Variants in UBR1 observed in about 807,000 individuals in gnomAD.
UBR1 encodes ubiquitin protein ligase E3 component n-recognin 1.
A neutral mutation model predicts 242.1 loss-of-function variants in UBR1; 102 were observed. That is an observed-to-expected ratio of 0.42 (90% confidence interval 0.36 to 0.50). The LOEUF (loss-of-function observed/expected upper bound fraction) is 0.50, where lower values mean the gene tolerates loss of function less well. Ranked by LOEUF, UBR1 falls within the 20% of genes least tolerant of loss-of-function variation. UBR1 has a pLI of 0.01. For synonymous variants in UBR1, 675 were observed against 684.8 expected (o/e 0.99, Z 0.22); for missense variants, 1,772 against 2,101.8 (o/e 0.84, Z 3.07).
chr15:43,056,278 G>C (rs1378830416), intron 11 of UBR1, 66 bp downstream of exon 11: 5 of 1,201,092 alleles, frequency 4.2e-6, no homozygotes, highest in Middle Eastern at 3.8e-4. Flanking sequence ...TCAACATTAA[G>C]TGGAATTCTT....
At chr15:43,102,698 C>G (rs567246094) in intron 1 of UBR1, among the ~76,000 whole-genome samples, 1 of 152,280 alleles carries the variant, frequency 6.6e-6, no homozygotes, top group South Asian at 2.1e-4. Flanking sequence ...AAATAATACC[C>G]CATGCCATCA....
At chr15:42,977,313 G>A (rs2032305970) in intron 38 of UBR1, among the ~76,000 whole-genome samples, 1 of 152,160 alleles carries the variant, frequency 6.6e-6, no homozygotes, top group South Asian at 2.1e-4. Context: ...AGATAATGAG[G>A]GGGATGAGGA....
At chr15:43,021,134 AG>A in intron 27 of UBR1, 140 bp downstream of exon 27, 2 of 635,572 alleles carry the variant, frequency 3.1e-6, no homozygotes, top group South Asian at 3.7e-5. Flanking sequence ...ATAGGAAAAT[AG>A]AATTATTAAC....
intron 1 of UBR1, among the ~76,000 whole-genome samples, chr15:43,093,809 A>C (rs2034130565): frequency 2.0e-5 from 3 of 151,738 alleles, no homozygotes; most frequent in South Asian, 2.1e-4. Flanking sequence ...AAAAAAAAAA[A>C]AACCAAAAAG....
intron 29 of UBR1, among the ~76,000 whole-genome samples, chr15:43,010,926 G>A (rs1436276873): frequency 1.3e-5 from 2 of 151,968 alleles, no homozygotes; most frequent in Non-Finnish European, 2.9e-5. Flanking sequence ...GGAGGCGGAG[G>A]TTGCAGTGAG....
At chr15:43,075,397 G>C (rs2033874860) in intron 3 of UBR1, among the ~76,000 whole-genome samples, 2 of 152,050 alleles carry the variant, frequency 1.3e-5, no homozygotes, top group Admixed American at 1.3e-4. Context: ...GAGAAGAATA[G>C]ATTGCAAAGT....
chr15:43,009,273 G>A (rs1042502744), intron 29 of UBR1, among the ~76,000 whole-genome samples: 1 of 152,246 alleles, frequency 6.6e-6, no homozygotes, highest in South Asian at 2.1e-4. Context: ...CCAGACAAGA[G>A]TCCCTGCAGC....
At chr15:42,975,449 T>C (rs2032274337) in intron 39 of UBR1, among the ~76,000 whole-genome samples, 1 of 151,994 alleles carries the variant, frequency 6.6e-6, no homozygotes, top group African/African-American at 2.4e-5. Flanking sequence ...TTCTGTTTTT[T>C]TTGATATCCC....
chr15:43,073,858 C>T (rs889075863), intron 4 of UBR1, among the ~76,000 whole-genome samples: 36 of 152,110 alleles, frequency 2.4e-4, no homozygotes, highest in African/African-American at 8.7e-4. Context: ...ACAAGAAATA[C>T]CTTATTGCTG....
chr15:42,945,248 G>T lies in UBR1; in HGVS notation c.*81C>A. ...CAAAAGACCCTCCAATACTTTCCCA[G>T]CCCTCAGAAAGTTTTCCATAATTTT... On this transcript the variant is annotated 3_prime_UTR_variant, in exon 47 of 47. Coordinates refer to ENST00000290650, the MANE Select transcript of UBR1 (RefSeq NM_174916.3). The T allele has an allele frequency of 6.3e-7, 1 of 1,599,042 alleles. No individual in the cohort carries two copies. The highest frequency in any genetic ancestry group is 1.1e-5 in the South Asian group (1 of 89,704).
chr15:42,976,993 C>CAAA (rs2032301745), intron 38 of UBR1, 126 bp from the exon 39 acceptor site: 1 of 1,073,198 alleles, frequency 9.3e-7, no homozygotes, highest in African/African-American at 1.6e-5. Context: ...TAATAAAAAC[C>CAAA]ATATTTTTCT....
chr15:43,015,741 A>G lies in UBR1; in HGVS notation c.3156T>C (p.Tyr1052=), dbSNP rs200843098. 169 of 1,614,138 alleles carry G rather than the reference A, an allele frequency of 1.0e-4. No homozygotes were observed. Among genetic ancestry groups the G allele is most frequent in the Non-Finnish European group, 1.4e-4 (162 of 1,180,036 alleles). The change falls in exon 29 of 47, where the codon TAT becomes TAC. Residue 1052 remains tyrosine, a synonymous_variant. Transcript: ENST00000290650. ...TCCCAGGCATTTCTGATGTATTGTCATACATGAGTTTATGAGTTTCAATGA... is the reference window on the plus strand; with the variant it reads ...TCCCAGGCATTTCTGATGTATTGTCGTACATGAGTTTATGAGTTTCAATGA... ...KNFIETHKLM[Y]DNTSEMPGKE...
At chr15:43,099,540 A>T (rs555219155) in intron 1 of UBR1, among the ~76,000 whole-genome samples, 24 of 152,306 alleles carry the variant, frequency 1.6e-4, no homozygotes, top group Admixed American at 3.9e-4. Flanking sequence ...AATTTATCCA[A>T]GAAACGCCTT....
At chr15:43,018,189 G>A (rs1214653432) in intron 27 of UBR1, among the ~76,000 whole-genome samples, 1 of 151,928 alleles carries the variant, frequency 6.6e-6, no homozygotes, top group African/African-American at 2.4e-5. Flanking sequence ...TTTTAGTAGA[G>A]ACGGGGTTTC....
At chr15:43,024,600 C>T (rs1282651042) in intron 25 of UBR1, among the ~76,000 whole-genome samples, 1 of 152,038 alleles carries the variant, frequency 6.6e-6, no homozygotes. Flanking sequence ...ATAAGTACAC[C>T]TGTTTTTGTT....
At chr15:42,980,976 T>A (rs1240897409) in intron 37 of UBR1, among the ~76,000 whole-genome samples, 1 of 152,166 alleles carries the variant, frequency 6.6e-6, no homozygotes, top group Non-Finnish European at 1.5e-5. Context: ...GCTCCTATTC[T>A]GGACTTCCTT....
chr15:43,093,304 C>T (rs990845528), intron 1 of UBR1, among the ~76,000 whole-genome samples: 1 of 152,208 alleles, frequency 6.6e-6, no homozygotes, highest in Non-Finnish European at 1.5e-5. Context: ...AACTGCTAGA[C>T]ATCTACAGAG....
intron 27 of UBR1, among the ~76,000 whole-genome samples, chr15:43,018,782 G>T (rs1203201999): frequency 3.3e-5 from 5 of 152,068 alleles, no homozygotes; most frequent in African/African-American, 4.8e-5. Flanking sequence ...CAACCATCTG[G>T]ATAGAGTATC....
rs572320247 is a variant in UBR1, at chr15:43,004,796, G to A, written c.3416-866C>T. Among the ~76,000 whole-genome samples the A allele has an allele frequency of 1.8e-4, 28 of 152,196 alleles. No individual in the cohort carries two copies. In the East Asian group the frequency reaches 5.4e-3, roughly 29 times the overall value. On this transcript the variant is annotated intron_variant, in intron 30 of 46. Coordinates refer to ENST00000290650, the MANE Select transcript of UBR1 (RefSeq NM_174916.3). Reference sequence around the variant, plus strand: ...CCGAGATTGCAGCCTCTGCCCAGCCGCCACCCCGTCTGGGAAGTGAGGAGC... The same window carrying A: ...CCGAGATTGCAGCCTCTGCCCAGCCACCACCCCGTCTGGGAAGTGAGGAGC...
Sources: gnomAD v4.1 joint callset for allele counts (sites outside exome capture counted in the v4.1 genomes callset) on GRCh38, gnomAD v4.1.1 for gene constraint, MANE v1.5 for transcripts, NCBI Gene and HGNC (gene_info 2026-07-23, HGNC 2026-07-21) for gene names.